Variants in PTPRG observed in about 807,000 individuals in gnomAD.
The protein encoded by PTPRG is protein tyrosine phosphatase receptor type G, also known as receptor-type tyrosine-protein phosphatase gamma.
In PTPRG, 102 loss-of-function variants were observed where a neutral mutation model predicts 165.3. The ratio of observed to expected loss-of-function variants is 0.62; its 90% CI spans 0.53 to 0.73. The LOEUF is 0.73. Ranked by LOEUF, PTPRG falls within the 30% of genes least tolerant of loss-of-function variation. The pLI is 0.00. For missense variants in PTPRG, 1,866 were observed against 1,861.4 expected, an observed-to-expected ratio of 1.00 and a Z score of -0.05; for synonymous variants, 675 against 669.5, an observed-to-expected ratio of 1.01 and a Z score of -0.13.
intron 5 of PTPRG, among the ~76,000 whole-genome samples, chr3:62,120,925 T>C (rs1218178769): frequency 2.0e-5 from 3 of 151,882 alleles, no homozygotes; most frequent in African/African-American, 4.8e-5. Flanking sequence ...GCCTGCTTAT[T>C]TGGGAGAAAG....
In PTPRG at chr3:61,717,430, A is replaced by G. The variant is rs573452315; in HGVS notation, c.86-31448A>G. On this transcript the variant is annotated intron_variant, in intron 1 of 29. Transcript: ENST00000474889. The stretch of plus-strand genomic sequence containing the variant: ...AAAATCACTCTTGTATTTTCCCACA[A>G]TGAGTAAATTGATACACATACACTT... Among the ~76,000 whole-genome samples, 10 of 152,316 alleles carry G rather than the reference A, an allele frequency of 6.6e-5. No individual in the cohort carries two copies. In the East Asian group the frequency reaches 7.7e-4, roughly 12 times the overall value.
chr3:61,672,725 G>C (rs532658241), intron 1 of PTPRG, among the ~76,000 whole-genome samples: 1 of 139,798 alleles, frequency 7.2e-6, no homozygotes, highest in Non-Finnish European at 1.6e-5. Flanking sequence ...GAGGGAGAGG[G>C]AGACTGTGGG....
At chr3:61,671,285 G>A (rs1317169478) in intron 1 of PTPRG, among the ~76,000 whole-genome samples, 1 of 151,640 alleles carries the variant, frequency 6.6e-6, no homozygotes, top group Non-Finnish European at 1.5e-5. Flanking sequence ...AGGACCCTGC[G>A]GCCTTCTGCA....
intron 1 of PTPRG, among the ~76,000 whole-genome samples, chr3:61,637,356 C>T (rs925346529): frequency 2.0e-5 from 3 of 152,118 alleles, no homozygotes; most frequent in Admixed American, 6.6e-5. Context: ...GTAATTTTCT[C>T]ATCTGGATAA....
chr3:62,022,455 G>T (rs1330055183), intron 4 of PTPRG, among the ~76,000 whole-genome samples: 4 of 152,122 alleles, frequency 2.6e-5, no homozygotes, highest in Admixed American at 6.6e-5. Context: ...CCTTCTCTTG[G>T]CTCAGGAGAG....
At position 61,685,946 on chromosome 3, in the gene PTPRG, T is replaced by C. The variant is rs73099119; in HGVS notation, c.86-62932T>C. 7.8e-3 allele frequency among the ~76,000 whole-genome samples: 1,188 copies of C among 152,238 alleles called. 9 individuals carry two copies. The highest frequency in any genetic ancestry group is 0.013 in the Non-Finnish European group (868 of 68,020). ...TCAGATTTCTTATTGCCGTGTTCTC[T>C]TTTGAGCTTGGAAAGATTAGTTACC... On this transcript the variant is annotated intron_variant, in intron 1 of 29. Coordinates refer to ENST00000474889, the MANE Select transcript of PTPRG (RefSeq NM_002841.4).
At chr3:62,017,150 G>C (rs2041565944) in intron 4 of PTPRG, among the ~76,000 whole-genome samples, 2 of 152,178 alleles carry the variant, frequency 1.3e-5, no homozygotes. Context: ...AGCGTAAGCA[G>C]TGTTACCCAT....
rs969912563 is a variant in PTPRG, at chr3:62,294,036, A to G, written c.*729A>G. The G allele has an allele frequency of 2.6e-5, 4 of 152,542 alleles. No homozygotes were observed. The highest frequency in any genetic ancestry group is 5.9e-5 in the Non-Finnish European group (4 of 68,004). 9.4% of individuals were successfully genotyped at this position (152,542 alleles called of 1,614,324 possible). ...AGCTTTCACAGTAGCTATGTGGACAATGTGTTATTTCCATTTTGACTCTCT... is the reference window on the plus strand; with the variant it reads ...AGCTTTCACAGTAGCTATGTGGACAGTGTGTTATTTCCATTTTGACTCTCT... On this transcript the variant is annotated 3_prime_UTR_variant, in exon 30 of 30. Coordinates refer to ENST00000474889, the MANE Select transcript of PTPRG (RefSeq NM_002841.4).
At chr3:62,166,702 G>C (rs1376637928) in intron 7 of PTPRG, among the ~76,000 whole-genome samples, 1 of 151,068 alleles carries the variant, frequency 6.6e-6, no homozygotes, top group South Asian at 2.1e-4. Flanking sequence ...GTTCTGTTCT[G>C]TTTTTGAGAC....
chr3:61,632,269 A>G (rs1197481671), intron 1 of PTPRG, among the ~76,000 whole-genome samples: 1 of 152,152 alleles, frequency 6.6e-6, no homozygotes, highest in Non-Finnish European at 1.5e-5. Flanking sequence ...TGATTGTGCC[A>G]TTGCACTCCA....
intron 17 of PTPRG, among the ~76,000 whole-genome samples, chr3:62,265,740 C>A (rs1271939045): frequency 2.0e-5 from 3 of 151,988 alleles, no homozygotes; most frequent in African/African-American, 4.8e-5. Flanking sequence ...CAAGGCTCAC[C>A]ACTGCTGTGA....
At chr3:61,935,617 G>A (rs538852371) in intron 2 of PTPRG, among the ~76,000 whole-genome samples, 41 of 151,422 alleles carry the variant, frequency 2.7e-4, no homozygotes, top group Non-Finnish European at 4.9e-4. Flanking sequence ...GTGCCATGTA[G>A]GGCTTTATAT....
At chr3:62,078,536 A>ATTT (rs939855662) in intron 5 of PTPRG, among the ~76,000 whole-genome samples, 3 of 152,156 alleles carry the variant, frequency 2.0e-5, no homozygotes, top group African/African-American at 7.2e-5. Flanking sequence ...CCGCTGAAGC[A>ATTT]TTTTGAACAG....
At chr3:61,660,375 G>C (rs1702623744) in intron 1 of PTPRG, among the ~76,000 whole-genome samples, 1 of 152,236 alleles carries the variant, frequency 6.6e-6, no homozygotes, top group Non-Finnish European at 1.5e-5. Context: ...AAGTATCACA[G>C]TGTGGTTAAA....
intron 1 of PTPRG, among the ~76,000 whole-genome samples, chr3:61,715,169 C>CTT (rs11392995): frequency 1.3e-4 from 20 of 148,470 alleles, no homozygotes; most frequent in African/African-American, 4.5e-4. Context: ...CTCCTGCTTG[C>CTT]TTTTTTTTTC....
Position 62,275,862 on chromosome 3 carries a change from T to G in PTPRG, c.3466-11T>G, listed in dbSNP as rs746959196. 6.3e-7 allele frequency: 1 copy of G among 1,588,656 alleles called. No individual in the cohort carries two copies. The highest frequency in any genetic ancestry group is 1.1e-5 in the South Asian group (1 of 87,600). On this transcript the variant is annotated splice_polypyrimidine_tract_variant and intron_variant, in intron 23 of 29. Coordinates refer to ENST00000474889, the MANE Select transcript of PTPRG (RefSeq NM_002841.4). ...CTTTGAATGAAGACTAAAATGTTTTTTCTTTTTCAGCTGGTCACACAGTGT... is the reference window on the plus strand; with the variant it reads ...CTTTGAATGAAGACTAAAATGTTTTGTCTTTTTCAGCTGGTCACACAGTGT...
intron 15 of PTPRG, among the ~76,000 whole-genome samples, chr3:62,247,876 G>A (rs920811235): frequency 1.4e-4 from 22 of 152,164 alleles, no homozygotes; most frequent in African/African-American, 5.1e-4. Flanking sequence ...CTAACCCTTT[G>A]ATACTCCTCC....
At chr3:62,071,549 C>G (rs1036323364) in intron 4 of PTPRG, among the ~76,000 whole-genome samples, 7 of 152,172 alleles carry the variant, frequency 4.6e-5, no homozygotes. Flanking sequence ...TACACTCAGT[C>G]AGCTTTGGCA....
chr3:61,911,934 C>T (rs1201252250), intron 2 of PTPRG, among the ~76,000 whole-genome samples: 1 of 152,164 alleles, frequency 6.6e-6, no homozygotes, highest in East Asian at 1.9e-4. Context: ...ATTTGCATTT[C>T]TTTCACTCCT....
Sources: gnomAD v4.1 joint callset for allele counts (sites outside exome capture counted in the v4.1 genomes callset) on GRCh38, gnomAD v4.1.1 for gene constraint, MANE v1.5 for transcripts, NCBI Gene and HGNC (gene_info 2026-07-23, HGNC 2026-07-21) for gene names.